MAP2K5: variants seen among roughly 807,000 people sequenced by gnomAD.
The protein encoded by MAP2K5 is mitogen-activated protein kinase kinase 5, also known as dual specificity mitogen-activated protein kinase kinase 5.
In MAP2K5, 49 loss-of-function variants were observed where a neutral mutation model predicts 83.1. The ratio of observed to expected loss-of-function variants is 0.59; its 90% CI spans 0.47 to 0.75. MAP2K5 has a LOEUF of 0.75. Among genes scored for constraint, MAP2K5 ranks in the 30% least tolerant of loss-of-function variants. The probability of loss-of-function intolerance (pLI) is 0.00; values close to 1 mark genes in which losing one functional copy is unlikely to be tolerated. For synonymous variants in MAP2K5, 202 were observed against 191.8 expected (o/e 1.05, Z -0.44); for missense variants, 457 against 557.5 (o/e 0.82, Z 1.82).
intron 17 of MAP2K5, among the ~76,000 whole-genome samples, chr15:67,744,266 T>A (rs553993773): frequency 2.5e-4 from 38 of 152,118 alleles, no homozygotes; most frequent in Admixed American, 3.9e-4. Context: ...TTTGAAGTTT[T>A]AAAAAAAAGA....
chr15:67,547,216 A>G, intron 1 of MAP2K5, among the ~76,000 whole-genome samples: 1 of 151,982 alleles, frequency 6.6e-6, no homozygotes, highest in East Asian at 1.9e-4. Context: ...AGTGTTTTAT[A>G]TTACTAGTCT....
chr15:67,644,071 C>T lies in MAP2K5; in HGVS notation c.586-2160C>T, dbSNP rs2086777338. ...CACAAATCATAAAAATTGTTTTCCA[C>T]CTATTCTATTCTCATCACTGCCTTT... On this transcript the variant is annotated intron_variant, in intron 9 of 21. Transcript: ENST00000178640. The surrounding 1 kb of genome is among the most constrained non-coding windows in gnomAD (Gnocchi z 4.6). Among the ~76,000 whole-genome samples, 1 of 152,182 alleles carries T rather than the reference C, an allele frequency of 6.6e-6. No individual in the cohort carries two copies. The highest frequency in any genetic ancestry group is 1.5e-5 in the Non-Finnish European group (1 of 68,038).
rs1286766560 is a variant in MAP2K5, at chr15:67,769,566, T to C, written c.1135-36T>C. On this transcript the variant is annotated intron_variant, in intron 19 of 21. Transcript: ENST00000178640. This position sits in a 1 kb window ranked among gnomAD's most constrained non-coding sequence, Gnocchi z 5.2. ...AATATAAAGAAAGAGAAGGAACTGT[T>C]GTGACTTTTGGTGACATGTTTTTCC... The C allele has an allele frequency of 3.7e-6, 6 of 1,601,954 alleles. No homozygotes were observed. In the East Asian group the frequency reaches 1.3e-4, roughly 36 times the overall value.
intron 17 of MAP2K5, among the ~76,000 whole-genome samples, chr15:67,732,976 G>A (rs143343286): frequency 6.7e-4 from 102 of 152,282 alleles, no homozygotes; most frequent in Non-Finnish European, 9.9e-4. Flanking sequence ...GCTTAACAGC[G>A]ACTGTGGGCG....
intron 8 of MAP2K5, among the ~76,000 whole-genome samples, chr15:67,624,046 G>A (rs1383671025): frequency 6.6e-6 from 1 of 151,704 alleles, no homozygotes; most frequent in Non-Finnish European, 1.5e-5. Context: ...TGTTTAAGAC[G>A]TGGGAGAGCT....
intron 21 of MAP2K5, among the ~76,000 whole-genome samples, chr15:67,805,239 C>G (rs754127521): frequency 1.9e-4 from 29 of 152,222 alleles, no homozygotes; most frequent in Non-Finnish European, 4.3e-4. Context: ...GTCCCCAGGG[C>G]AGGTTTCCCA....
intron 16 of MAP2K5, chr15:67,718,133 A>G (rs1022050045): frequency 6.6e-6 from 1 of 152,204 alleles, no homozygotes; most frequent in Non-Finnish European, 1.5e-5. Context: ...GTATGAGAAT[A>G]TCAGCTGTTT....
chr15:67,787,738 G>A (rs2090443866), intron 21 of MAP2K5, among the ~76,000 whole-genome samples: 1 of 152,228 alleles, frequency 6.6e-6, no homozygotes, highest in Admixed American at 6.5e-5. Context: ...GAACCTTGAA[G>A]TATGGTAGTG....
chr15:67,595,063 A>G (rs1487813831), intron 7 of MAP2K5, among the ~76,000 whole-genome samples: 1 of 152,208 alleles, frequency 6.6e-6, no homozygotes, highest in Non-Finnish European at 1.5e-5. Context: ...TATGCTCTCA[A>G]GCATTAATAA....
intron 8 of MAP2K5, among the ~76,000 whole-genome samples, chr15:67,613,671 A>C (rs928622365): frequency 3.3e-5 from 5 of 152,044 alleles, no homozygotes; most frequent in African/African-American, 1.2e-4. Context: ...TTGACTTGTC[A>C]ACAGTATTGT....
At chr15:67,660,669 A>G (rs746931115) in intron 12 of MAP2K5, among the ~76,000 whole-genome samples, 3 of 152,114 alleles carry the variant, frequency 2.0e-5, no homozygotes, top group Non-Finnish European at 4.4e-5. Context: ...TGCTTTCTAT[A>G]CAAATATTAT....
At chr15:67,600,537 A>G (rs2085632901) in intron 7 of MAP2K5, 148 bp from the exon 8 acceptor site, 2 of 632,722 alleles carry the variant, frequency 3.2e-6, no homozygotes, top group Admixed American at 6.4e-5. Flanking sequence ...TATAAATTGG[A>G]CAGCAAACGT....
chr15:67,699,245 C>G (rs1306539574), intron 15 of MAP2K5, among the ~76,000 whole-genome samples: 1 of 151,792 alleles, frequency 6.6e-6, no homozygotes, highest in Non-Finnish European at 1.5e-5. Context: ...GAATGGGAGC[C>G]CCATCACTGC....
At chr15:67,641,619 G>C (rs2086712143) in intron 9 of MAP2K5, 1 of 992,418 alleles carries the variant, frequency 1.0e-6, no homozygotes, top group Admixed American at 6.2e-5. Context: ...ATCCTTATTT[G>C]TCCTGGAGGT....
rs532168299 is a variant in MAP2K5, at chr15:67,733,694, G to A, written c.1074+5749G>A. On this transcript the variant is annotated intron_variant, in intron 17 of 21. Coordinates refer to ENST00000178640, the MANE Select transcript of MAP2K5 (RefSeq NM_145160.3). Reference sequence around the variant, plus strand: ...TAACTCAAGGAGACAGGGCTGTCAGGCCTGTTAGCTGAACAAAATGATGAC... The same window carrying A: ...TAACTCAAGGAGACAGGGCTGTCAGACCTGTTAGCTGAACAAAATGATGAC... Among the ~76,000 whole-genome samples, 37 of 152,322 alleles carry A rather than the reference G, an allele frequency of 2.4e-4. 1 individual carries two copies. The South Asian group carries it at 7.3e-3, about 30-fold the overall frequency.
At chr15:67,692,599 C>G (rs372395702) in intron 14 of MAP2K5, 47 bp downstream of exon 14, 2 of 1,422,636 alleles carry the variant, frequency 1.4e-6, no homozygotes, top group African/African-American at 2.8e-5. Flanking sequence ...GCAACAACCC[C>G]TTTATATTTT....
At chr15:67,584,718 G>A (rs377450309) in intron 4 of MAP2K5, among the ~76,000 whole-genome samples, 15 of 119,684 alleles carry the variant, frequency 1.3e-4, no homozygotes, top group East Asian at 2.6e-4. Flanking sequence ...TCGCTCTGTC[G>A]CCCAGGCTGG....
At chr15:67,655,671 T>A (rs2087055112) in intron 11 of MAP2K5, among the ~76,000 whole-genome samples, 1 of 152,204 alleles carries the variant, frequency 6.6e-6, no homozygotes, top group South Asian at 2.1e-4. Flanking sequence ...GATAGTTTGA[T>A]AATAATGTGT....
intron 21 of MAP2K5, among the ~76,000 whole-genome samples, chr15:67,798,049 T>A (rs759900314): frequency 1.3e-5 from 2 of 152,166 alleles, no homozygotes; most frequent in African/African-American, 4.8e-5. Flanking sequence ...CTTCTGAGCA[T>A]TGTGTCTTTA....
Sources: gnomAD v4.1 joint callset for allele counts (sites outside exome capture counted in the v4.1 genomes callset) on GRCh38, gnomAD v4.1.1 for gene constraint, Gnocchi (gnomAD v3.1) non-coding constraint, MANE v1.5 for transcripts, NCBI Gene and HGNC (gene_info 2026-07-23, HGNC 2026-07-21) for gene names.